Variants in ANKH observed in about 807,000 individuals in gnomAD.
ANKH encodes the protein mineralization regulator ANKH.
Under a neutral mutation model 49.0 loss-of-function variants are expected in ANKH, and 15 were observed. The ratio of observed to expected loss-of-function variants is 0.31; its 90% CI spans 0.20 to 0.47. The LOEUF (loss-of-function observed/expected upper bound fraction) is 0.47. Ranked by LOEUF, ANKH falls within the 20% of genes least tolerant of loss-of-function variation. ANKH has a pLI of 1.00. For synonymous variants in ANKH, 273 were observed against 260.0 expected (o/e 1.05, Z -0.48); for missense variants, 429 against 652.0 (o/e 0.66, Z 3.72).
At chr5:14,744,277 A>G (rs1159786075) in intron 7 of ANKH, among the ~76,000 whole-genome samples, 1 of 152,140 alleles carries the variant, frequency 6.6e-6, no homozygotes, top group East Asian at 1.9e-4. Flanking sequence ...GCAACTGAAT[A>G]TTCCCAGTAG....
At chr5:14,826,685 T>G (rs192428279) in intron 1 of ANKH, among the ~76,000 whole-genome samples, 67 of 152,356 alleles carry the variant, frequency 4.4e-4, no homozygotes, top group Admixed American at 1.2e-3. Flanking sequence ...AATTTCGGCA[T>G]GAACACTGGA....
At chr5:14,831,472 A>G (rs1192450876) in intron 1 of ANKH, among the ~76,000 whole-genome samples, 2 of 152,194 alleles carry the variant, frequency 1.3e-5, no homozygotes, top group African/African-American at 4.8e-5. Context: ...TCAAGGCACT[A>G]GAATGACATT....
intron 1 of ANKH, among the ~76,000 whole-genome samples, chr5:14,859,309 T>A (rs1344371176): frequency 6.6e-6 from 1 of 152,248 alleles, no homozygotes; most frequent in Non-Finnish European, 1.5e-5. Context: ...CTTAGCATAA[T>A]GTCTTCAAGG....
At chr5:14,724,765 T>C (rs950076948) in intron 8 of ANKH, among the ~76,000 whole-genome samples, 2 of 152,126 alleles carry the variant, frequency 1.3e-5, no homozygotes. Flanking sequence ...CTCAGAAACA[T>C]GCCAACCAGG....
rs1736973558 is a variant in ANKH, at chr5:14,707,229, A to G, written c.*3968T>C. 6.6e-6 allele frequency: 1 copy of G among 152,132 alleles called. No homozygotes were observed. The highest frequency in any genetic ancestry group is 2.4e-5 in the African/African-American group (1 of 41,408). 9.4% of individuals were successfully genotyped at this position (152,132 alleles called of 1,614,324 possible). ...AGAAAATATTTCTCAAGGAAATGTA[A>G]TTACAACACTATAAATACTTGCTAT... is the stretch of plus-strand genomic sequence containing the variant. On this transcript the variant is annotated 3_prime_UTR_variant, in exon 12 of 12. Transcript: ENST00000284268.
At chr5:14,840,908 C>T (rs1045930366) in intron 1 of ANKH, among the ~76,000 whole-genome samples, 9 of 152,254 alleles carry the variant, frequency 5.9e-5, no homozygotes, top group East Asian at 1.9e-4. Context: ...TTCTGAGTGG[C>T]GCCTCAGACA....
chr5:14,794,572 C>T lies in ANKH; in HGVS notation c.97-25381G>A, dbSNP rs184708551. 1.8e-4 allele frequency among the ~76,000 whole-genome samples: 27 copies of T among 152,284 alleles called. No homozygotes were observed. The East Asian group carries it at 4.2e-3, about 24-fold the overall frequency. ...GGATCACAGTCTTAAGATAAATGTC[C>T]CCAGGTTTACTAACTGCTCTAATTT... On this transcript the variant is annotated intron_variant, in intron 1 of 11. Coordinates refer to ENST00000284268, the MANE Select transcript of ANKH (RefSeq NM_054027.6).
chr5:14,741,814 C>T lies in ANKH; in HGVS notation c.1011+13G>A. 6.2e-7 allele frequency: 1 copy of T among 1,603,522 alleles called. No individual in the cohort carries two copies. Among genetic ancestry groups the T allele is most frequent in the Non-Finnish European group, 8.5e-7 (1 of 1,170,496 alleles). ...AAACAGAGAGAAGAGGCAGAGAGAG[C>T]CTCTGTCCTTACCGTGAGTGACAGA... On this transcript the variant is annotated intron_variant, in intron 8 of 11. Transcript: ENST00000284268.
rs573250744 is a variant in ANKH at position 14,725,369 on chromosome 5, G to A, written c.1012-8534C>T. 2.6e-5 allele frequency among the ~76,000 whole-genome samples: 4 copies of A among 152,090 alleles called. No individual in the cohort carries two copies. Among genetic ancestry groups the A allele is most frequent in the East Asian group, 1.9e-4 (1 of 5,178 alleles). On this transcript the variant is annotated intron_variant, in intron 8 of 11. Coordinates refer to ENST00000284268, the MANE Select transcript of ANKH (RefSeq NM_054027.6). The surrounding 1 kb of genome is among the most constrained non-coding windows in gnomAD (Gnocchi z 4.0). The stretch of plus-strand genomic sequence containing the variant: ...AGCAGTTGACTCCATAAAGTAAATC[G>A]ATGCCTGCCTTCCTTAAGAAAGTCT...
chr5:14,734,335 C>T (rs1024105369), intron 8 of ANKH, among the ~76,000 whole-genome samples: 1 of 152,104 alleles, frequency 6.6e-6, no homozygotes, highest in African/African-American at 2.4e-5. Context: ...GGAAACAACA[C>T]AGCAGCAGGG....
chr5:14,722,995 C>T (rs1313061182), intron 8 of ANKH, among the ~76,000 whole-genome samples: 1 of 152,088 alleles, frequency 6.6e-6, no homozygotes, highest in Non-Finnish European at 1.5e-5. Flanking sequence ...AGACAAACCC[C>T]AGACAAACGC....
intron 5 of ANKH, among the ~76,000 whole-genome samples, chr5:14,749,556 C>A (rs1016010535): frequency 6.6e-6 from 1 of 152,202 alleles, no homozygotes; most frequent in Non-Finnish European, 1.5e-5. Context: ...TTTAATGGAT[C>A]CCAACCACTC....
intron 1 of ANKH, among the ~76,000 whole-genome samples, chr5:14,776,042 T>C (rs1169806718): frequency 6.6e-6 from 1 of 152,210 alleles, no homozygotes; most frequent in Admixed American, 6.5e-5. Flanking sequence ...GGGACTACAC[T>C]TGGCTTGGGT....
At chr5:14,721,967 T>C (rs1005500081) in intron 8 of ANKH, among the ~76,000 whole-genome samples, 2 of 146,784 alleles carry the variant, frequency 1.4e-5, no homozygotes, top group Admixed American at 6.8e-5. Context: ...GGGTATGGTA[T>C]GTATTAAAAG....
intron 1 of ANKH, among the ~76,000 whole-genome samples, chr5:14,853,100 C>A (rs1241660416): frequency 1.3e-5 from 2 of 152,120 alleles, no homozygotes; most frequent in African/African-American, 4.8e-5. Context: ...TTGGCACCAA[C>A]CTCCCCCCAA....
rs538379654 is a variant in ANKH at position 14,736,195 on chromosome 5, C to G, written c.1011+5632G>C. ...GACAGCAACACCTCCCTACCCCCAC[C>G]ACATCAAGCAGCCTCCATGTGTTGA... On this transcript the variant is annotated intron_variant, in intron 8 of 11. Coordinates refer to ENST00000284268, the MANE Select transcript of ANKH (RefSeq NM_054027.6). 1.6e-4 allele frequency among the ~76,000 whole-genome samples: 24 copies of G among 152,170 alleles called. No individual in the cohort carries two copies. The South Asian group carries it at 5.0e-3, about 32-fold the overall frequency.
chr5:14,808,497 G>A (rs1226473333), intron 1 of ANKH, among the ~76,000 whole-genome samples: 1 of 152,204 alleles, frequency 6.6e-6, no homozygotes, highest in Non-Finnish European at 1.5e-5. Flanking sequence ...AGGTGCAGTG[G>A]CTCACACCTG....
intron 8 of ANKH, among the ~76,000 whole-genome samples, chr5:14,719,035 C>T (rs905866825): frequency 2.0e-5 from 3 of 152,070 alleles, no homozygotes; most frequent in Admixed American, 6.5e-5. Context: ...GGACAGCGGA[C>T]GTCTCAGACT....
intron 6 of ANKH, among the ~76,000 whole-genome samples, chr5:14,748,181 A>G (rs1738599684): frequency 6.6e-6 from 1 of 152,226 alleles, no homozygotes; most frequent in Non-Finnish European, 1.5e-5. Flanking sequence ...AGTATTCAAG[A>G]ACAAAACCTG....
Sources: allele counts gnomAD v4.1 joint callset (sites outside exome capture counted in the v4.1 genomes callset), GRCh38; gene constraint gnomAD v4.1.1; non-coding constraint Gnocchi (gnomAD v3.1); transcripts MANE v1.5; gene names NCBI Gene and HGNC (gene_info 2026-07-23, HGNC 2026-07-21).